The following MEF2B variants were observed in gnomAD, a reference collection of about 807,000 sequenced individuals.
MEF2B encodes the protein myocyte-specific enhancer factor 2B.
MEF2B carries 15 observed loss-of-function variants against 32.2 expected under a neutral mutation model. The observed-to-expected ratio is 0.47, with a 90% CI of 0.31 to 0.72. MEF2B has a LOEUF of 0.72. Ranked by LOEUF, MEF2B falls within the 30% of genes least tolerant of loss-of-function variation. The pLI, the probability that MEF2B is intolerant of heterozygous loss-of-function variation, is 0.05. For synonymous variants in MEF2B, 205 were observed against 225.6 expected (o/e 0.91, Z 0.82); for missense variants, 441 against 511.5 (o/e 0.86, Z 1.33).
chr19:19,147,363 T>C lies in MEF2B; in HGVS notation c.394-180A>G, dbSNP rs539488623. 1.8e-4 allele frequency among the ~76,000 whole-genome samples: 23 copies of C among 127,992 alleles called. 5 individuals are homozygous for C. Among genetic ancestry groups the C allele is most frequent in the African/African-American group, 6.3e-4 (22 of 34,952 alleles). 84.0% of individuals were successfully genotyped at this position (127,992 alleles called of 152,430 possible). Reference sequence around the variant, plus strand: ...CCCTAACCCTACAGGCTGGGGGAGCTTCTGTCTGGCTCTGCCTGTCCTTGA... The same window carrying C: ...CCCTAACCCTACAGGCTGGGGGAGCCTCTGTCTGGCTCTGCCTGTCCTTGA... On this transcript the variant is annotated intron_variant, in intron 4 of 8. Transcript: ENST00000424583.
intron 1 of MEF2B, among the ~76,000 whole-genome samples, chr19:19,167,513 T>C (rs755690924): frequency 1.3e-5 from 2 of 152,006 alleles, no homozygotes; most frequent in Non-Finnish European, 2.9e-5. Flanking sequence ...CAGAGCAAGA[T>C]GCTGTCTCAA....
chr19:19,155,601 T>C (rs1387747911), intron 1 of MEF2B, among the ~76,000 whole-genome samples: 3 of 152,156 alleles, frequency 2.0e-5, no homozygotes, highest in Non-Finnish European at 4.4e-5. Context: ...TGCCCAGAAA[T>C]ACATGCACAT....
At chr19:19,168,461 T>C (rs2060227214) in intron 1 of MEF2B, among the ~76,000 whole-genome samples, 1 of 151,744 alleles carries the variant, frequency 6.6e-6, no homozygotes. Flanking sequence ...TTAGTAGAGA[T>C]GGGGTTTCTC....
intron 1 of MEF2B, among the ~76,000 whole-genome samples, chr19:19,155,250 T>G (rs2060112468): frequency 6.6e-6 from 1 of 152,174 alleles, no homozygotes; most frequent in African/African-American, 2.4e-5. Context: ...CTCTCTTCGA[T>G]AAATATCTCT....
chr19:19,146,928 T>C, intron 5 of MEF2B, 53 bp from the exon 6 acceptor site: 1 of 1,587,916 alleles, frequency 6.3e-7, no homozygotes, highest in Non-Finnish European at 8.6e-7. Flanking sequence ...TGTCAACTAA[T>C]GAAGTCTGAG....
chr19:19,148,266 C>A (rs1301972661), intron 3 of MEF2B, among the ~76,000 whole-genome samples: 1 of 152,356 alleles, frequency 6.6e-6, no homozygotes, highest in Non-Finnish European at 1.5e-5. Flanking sequence ...GAGTTTGAGA[C>A]CAGCCTGGCC....
chr19:19,149,576 G>T, intron 2 of MEF2B, 147 bp from the exon 3 acceptor site: 4 of 1,144,776 alleles, frequency 3.5e-6, no homozygotes, highest in Non-Finnish European at 4.9e-6. Context: ...TCACAACCTG[G>T]CAAACTCCTA....
intron 2 of MEF2B, among the ~76,000 whole-genome samples, 178 bp downstream of exon 2, chr19:19,150,504 A>G (rs1304160648): frequency 1.4e-5 from 2 of 146,024 alleles, no homozygotes; most frequent in Non-Finnish European, 3.0e-5. Flanking sequence ...AGGCTGGGCA[A>G]CAGAGTGAGA....
intron 1 of MEF2B, among the ~76,000 whole-genome samples, chr19:19,151,595 T>G (rs2060080426): frequency 6.6e-6 from 1 of 152,134 alleles, no homozygotes; most frequent in African/African-American, 2.4e-5. Context: ...CTCCGCCAAC[T>G]GTGTGACCAC....
chr19:19,157,841 CTG>C (rs1208014931), intron 1 of MEF2B, among the ~76,000 whole-genome samples: 1 of 152,080 alleles, frequency 6.6e-6, no homozygotes, highest in African/African-American at 2.4e-5. Flanking sequence ...GAGCGAGACT[CTG>C]TGTCAAAAAA....
At position 19,146,948 on chromosome 19, in the gene MEF2B, T is replaced by G. The variant is rs963950789; in HGVS notation, c.542-73A>C. 1.6e-5 allele frequency: 25 copies of G among 1,571,416 alleles called. No homozygotes were observed. The South Asian group carries it at 2.9e-4, about 18-fold the overall frequency. On this transcript the variant is annotated intron_variant, in intron 5 of 8. Coordinates refer to ENST00000424583, the MANE Select transcript of MEF2B (RefSeq NM_001145785.2). ...ACTAATGAAGTCTGAGGTTTAGAGG[T>G]GATGCACGCAGCCTGGCAATGCCAG...
At chr19:19,168,643 C>G (rs12974672) in intron 1 of MEF2B, among the ~76,000 whole-genome samples, 74,162 of 150,538 alleles carry the variant, frequency 0.49, 18,471 homozygotes, top group East Asian at 0.57. Context: ...ACCCAGGCTG[C>G]AGTGCAGTAG....
chr19:19,148,985 T>C (rs2060051059), intron 3 of MEF2B, among the ~76,000 whole-genome samples: 1 of 151,884 alleles, frequency 6.6e-6, no homozygotes, highest in African/African-American at 2.4e-5. Context: ...GTGCTGGGAT[T>C]GCAGGTGGGA....
chr19:19,146,703 C>T (rs1487354512), intron 6 of MEF2B, 39 bp downstream of exon 6: 1 of 1,613,594 alleles, frequency 6.2e-7, no homozygotes, highest in Non-Finnish European at 8.5e-7. Flanking sequence ...GTCGCCCTGC[C>T]TGCCCTCATC....
intron 1 of MEF2B, among the ~76,000 whole-genome samples, chr19:19,161,169 C>T (rs2060158666): frequency 6.6e-6 from 1 of 151,966 alleles, no homozygotes; most frequent in African/African-American, 2.4e-5. Flanking sequence ...GATTTGTGGT[C>T]GATGGGTCCT....
intron 1 of MEF2B, among the ~76,000 whole-genome samples, chr19:19,167,226 C>A (rs1391314281): frequency 6.6e-6 from 1 of 151,858 alleles, no homozygotes; most frequent in African/African-American, 2.4e-5. Flanking sequence ...TGGCACGCAC[C>A]TGTAATTCCA....
At chr19:19,162,250 C>G (rs1319870231) in intron 1 of MEF2B, among the ~76,000 whole-genome samples, 3 of 152,184 alleles carry the variant, frequency 2.0e-5, no homozygotes, top group African/African-American at 7.2e-5. Context: ...TTCCCAGCAG[C>G]TGGGGCTACA....
chr19:19,165,055 C>T (rs74635353), intron 1 of MEF2B, among the ~76,000 whole-genome samples: 3,982 of 152,244 alleles, frequency 0.026, 160 homozygotes, highest in African/African-American at 0.077. Context: ...GCAGGGACCC[C>T]GAGATGGGGC....
At chr19:19,157,163 G>C (rs1476107520) in intron 1 of MEF2B, 2 of 192,784 alleles carry the variant, frequency 1.0e-5, no homozygotes, top group Non-Finnish European at 2.5e-5. Flanking sequence ...AGGAAAAAGG[G>C]ACAAGCACTT....
Sources: allele counts gnomAD v4.1 joint callset (sites outside exome capture counted in the v4.1 genomes callset), GRCh38; gene constraint gnomAD v4.1.1; transcripts MANE v1.5; gene names NCBI Gene and HGNC (gene_info 2026-07-23, HGNC 2026-07-21).